The following HNRNPD variants were observed in gnomAD, a reference collection of about 807,000 sequenced individuals.
HNRNPD encodes the protein heterogeneous nuclear ribonucleoprotein D, also known as heterogeneous nuclear ribonucleoprotein D0.
Under a neutral mutation model 47.9 loss-of-function variants are expected in HNRNPD, and 3 were observed. The observed-to-expected ratio is 0.06, with a 90% CI of 0.03 to 0.16. The LOEUF (loss-of-function observed/expected upper bound fraction) is 0.16, where lower values mean the gene tolerates loss of function less well. HNRNPD is among the 10% of genes least tolerant of loss of function. HNRNPD has a pLI of 1.00. For missense variants in HNRNPD, 287 were observed against 454.2 expected, an observed-to-expected ratio of 0.63 and a Z score of 3.35; for synonymous variants, 171 against 165.1, an observed-to-expected ratio of 1.04 and a Z score of -0.28.
At position 82,357,406 on chromosome 4, in the gene HNRNPD, A is replaced by C. The variant is rs776421568; in HGVS notation, c.660T>G (p.Asn220Lys). Reference sequence around the variant, plus strand: ...TAATAAAGCAGAACCCACGCCTCTTATTGGTCTTGTTGTCCATGGGGAGCT... The same window carrying C: ...TAATAAAGCAGAACCCACGCCTCTTCTTGGTCTTGTTGTCCATGGGGAGCT... The part of the protein sequence containing the change: ...SIELPMDNKT[N>K]KRRGFCFITF... The change falls in exon 5 of 9, where the codon AAT becomes AAG. Residue 220 changes from asparagine to lysine, a missense_variant. Asn to Lys is a moderately conservative substitution (Grantham distance 94). Around this residue, in one of 5 missense-constraint regions of HNRNPD, gnomAD observed 39 missense variants for 113.1 expected, o/e 0.34. Coordinates refer to ENST00000313899, the MANE Select transcript of HNRNPD (RefSeq NM_031370.3). 6.2e-6 allele frequency: 10 copies of C among 1,613,332 alleles called. No homozygotes were observed. Among genetic ancestry groups the C allele is most frequent in the Non-Finnish European group, 7.6e-6 (9 of 1,179,798 alleles).
chr4:82,373,546 C>T lies in HNRNPD; in HGVS notation c.133G>A (p.Ala45Thr). 1 of 1,540,912 alleles carries T rather than the reference C, an allele frequency of 6.5e-7. No individual in the cohort carries two copies. The highest frequency in any genetic ancestry group is 8.7e-7 in the Non-Finnish European group (1 of 1,143,404). The change falls in exon 1 of 9, where the codon GCC becomes ACC. Residue 45 changes from alanine to threonine, a missense_variant. Physicochemically the swap from Ala to Thr is moderately conservative, Grantham distance 58. Transcript: ENST00000313899. ...QGAAAAAGSG[A>T]GTGGGTASGG... ...GACGCGGTTCCGCCCCCGGTCCCGGCTCCGCTTCCCGCCGCCGCCGCTGCC... is the reference window on the plus strand; with the variant it reads ...GACGCGGTTCCGCCCCCGGTCCCGGTTCCGCTTCCCGCCGCCGCCGCTGCC...
chr4:82,362,971 C>T (rs1371732886), intron 2 of HNRNPD, among the ~76,000 whole-genome samples: 3 of 151,964 alleles, frequency 2.0e-5, no homozygotes, highest in Non-Finnish European at 1.5e-5. Context: ...GGCACTTAGT[C>T]TCTACAATGT....
At position 82,355,387 on chromosome 4, in the gene HNRNPD, AACC is replaced by A; in HGVS notation, c.1012_1014del (p.Gly338del). On this transcript the variant is annotated inframe_deletion, in exon 8 of 9. Transcript: ENST00000313899. ...CCACCTCGCCTGGATACCTTCCCAT[AACC>A]ACTCTGCTGGTCTAAAATAAAACAA... 1 of 1,613,314 alleles carries A rather than the reference AACC, an allele frequency of 6.2e-7. No homozygotes were observed. Among genetic ancestry groups the A allele is most frequent in the Non-Finnish European group, 8.5e-7 (1 of 1,179,262 alleles).
intron 1 of HNRNPD, 39 bp downstream of exon 1, chr4:82,373,407 C>T: frequency 1.9e-6 from 3 of 1,538,838 alleles, no homozygotes; most frequent in Admixed American, 2.0e-5. Context: ...GGGAGGGGGA[C>T]TAGTTGGGCC....
At chr4:82,369,082 G>A (rs1016416511) in intron 2 of HNRNPD, among the ~76,000 whole-genome samples, 2 of 152,190 alleles carry the variant, frequency 1.3e-5, no homozygotes, top group Admixed American at 6.5e-5. Context: ...CTATCTCAAA[G>A]TTAACACAAC....
intron 4 of HNRNPD, 165 bp downstream of exon 4, chr4:82,358,494 C>T: frequency 3.3e-6 from 2 of 605,298 alleles, no homozygotes; most frequent in Non-Finnish European, 5.7e-6. Context: ...CATTATCCAA[C>T]CTTCAAAGAC....
At chr4:82,360,549 TTTTTAA>T (rs1390667002) in intron 2 of HNRNPD, among the ~76,000 whole-genome samples, 12 of 151,510 alleles carry the variant, frequency 7.9e-5, no homozygotes, top group African/African-American at 2.4e-4. Context: ...GGACTGGAGG[TTTTTAA>T]TTTTAAGGGT....
At chr4:82,361,417 T>G (rs1232336650) in intron 2 of HNRNPD, among the ~76,000 whole-genome samples, 3 of 152,212 alleles carry the variant, frequency 2.0e-5, no homozygotes, top group African/African-American at 7.2e-5. Context: ...AGAAATAACT[T>G]CAATTAAGTT....
At chr4:82,363,078 A>G (rs1015377250) in intron 2 of HNRNPD, among the ~76,000 whole-genome samples, 4 of 149,890 alleles carry the variant, frequency 2.7e-5, no homozygotes, top group African/African-American at 7.4e-5. Context: ...ATTTACAAAT[A>G]CTTATTTTTT....
Position 82,355,239 on chromosome 4 carries a change from T to G in HNRNPD, c.*30+65A>C, listed in dbSNP as rs1249765034. The G allele has an allele frequency of 4.6e-6, 4 of 870,376 alleles. No individual in the cohort carries two copies. The African/African-American group carries it at 6.9e-5, about 15-fold the overall frequency. The allele number at this position is 870,376 out of a possible 1,614,324, so 53.9% of individuals were successfully genotyped here. A position where few individuals can be genotyped will look rare whatever the true frequency, so the allele number is the denominator to read the frequency against. Reference sequence around the variant, plus strand: ...AACTCTTAAATTAAGCATTGTTTTATGAACAATATAGATTATAAAAACTAC... The same window carrying G: ...AACTCTTAAATTAAGCATTGTTTTAGGAACAATATAGATTATAAAAACTAC... On this transcript the variant is annotated intron_variant, in intron 8 of 8. Coordinates refer to ENST00000313899, the MANE Select transcript of HNRNPD (RefSeq NM_031370.3).
intron 2 of HNRNPD, among the ~76,000 whole-genome samples, chr4:82,365,771 A>ATTTTT (rs80051188): frequency 2.4e-3 from 251 of 106,250 alleles, no homozygotes; most frequent in African/African-American, 6.0e-3. Flanking sequence ...GGCCCAGCTA[A>ATTTTT]TTTTTTTTTT....
At chr4:82,367,920 A>G (rs1281682438) in intron 2 of HNRNPD, among the ~76,000 whole-genome samples, 1 of 152,210 alleles carries the variant, frequency 6.6e-6, no homozygotes, top group East Asian at 1.9e-4. Context: ...CAACACATAG[A>G]TCAGCAAACC....
intron 2 of HNRNPD, among the ~76,000 whole-genome samples, chr4:82,367,877 T>C (rs575944109): frequency 6.6e-6 from 1 of 152,328 alleles, no homozygotes; most frequent in South Asian, 2.1e-4. Context: ...AAGCAGGCTA[T>C]GTAGTCAATC....
chr4:82,356,775 TA>T lies in HNRNPD; in HGVS notation c.853+20del. 6.2e-7 allele frequency: 1 copy of T among 1,610,904 alleles called. No individual in the cohort carries two copies. On this transcript the variant is annotated intron_variant, in intron 6 of 8. Transcript: ENST00000313899. The stretch of plus-strand genomic sequence containing the variant: ...AAAAGCAGAAAAGCTTAAGATAGAG[TA>T]AACTTAGGCTCTAGCTTACCACCAC...
intron 8 of HNRNPD, 40 bp downstream of exon 8, chr4:82,355,264 C>T (rs1723667825): frequency 1.9e-6 from 2 of 1,066,802 alleles, no homozygotes; most frequent in Non-Finnish European, 2.9e-6. Flanking sequence ...ATAAAAACTA[C>T]TATTGTAAAT....
rs532587882 is a variant in HNRNPD at position 82,353,143 on chromosome 4, TTC to T, written c.*1040_*1041del. ...TTCCAACAAATGACAGGAAAAACAA[TTC>T]TGACTTAATCCTATAGTTATCACTT... is the stretch of plus-strand genomic sequence containing the variant. On this transcript the variant is annotated 3_prime_UTR_variant, in exon 9 of 9. Coordinates refer to ENST00000313899, the MANE Select transcript of HNRNPD (RefSeq NM_031370.3). The T allele has an allele frequency of 1.3e-3, 193 of 152,296 alleles. No individual in the cohort carries two copies. The highest frequency in any genetic ancestry group is 3.7e-3 in the Admixed American group (57 of 15,298). 9.4% of individuals were successfully genotyped at this position (152,296 alleles called of 1,614,324 possible). A position where few individuals can be genotyped will look rare whatever the true frequency, so the allele number is the denominator to read the frequency against.
intron 7 of HNRNPD, chr4:82,356,317 G>A: frequency 2.3e-6 from 1 of 440,818 alleles, no homozygotes; most frequent in South Asian, 5.6e-5. Flanking sequence ...CAAATGCCCA[G>A]CAAACATATA....
chr4:82,353,062 C>G lies in HNRNPD; in HGVS notation c.*1123G>C. The G allele has an allele frequency of 6.6e-6, 1 of 152,182 alleles. No homozygotes were observed. The highest frequency in any genetic ancestry group is 1.9e-4 in the East Asian group (1 of 5,198). 9.4% of individuals were successfully genotyped at this position (152,182 alleles called of 1,614,324 possible). A position where few individuals can be genotyped will look rare whatever the true frequency, so the allele number is the denominator to read the frequency against. Reference sequence around the variant, plus strand: ...TTAAGTAATACCTACAAACGATTTTCCATTCAAGTTGATGGGTATCAATTC... The same window carrying G: ...TTAAGTAATACCTACAAACGATTTTGCATTCAAGTTGATGGGTATCAATTC... On this transcript the variant is annotated 3_prime_UTR_variant, in exon 9 of 9. Transcript: ENST00000313899.
intron 2 of HNRNPD, among the ~76,000 whole-genome samples, chr4:82,368,156 T>A (rs1719856724): frequency 6.6e-6 from 1 of 152,148 alleles, no homozygotes; most frequent in Non-Finnish European, 1.5e-5. Flanking sequence ...AAAAAATTAC[T>A]CTATTCCTTT....
Sources: allele counts gnomAD v4.1 joint callset (sites outside exome capture counted in the v4.1 genomes callset), GRCh38; gene constraint gnomAD v4.1.1; regional missense constraint gnomAD v4.1.1; transcripts MANE v1.5; gene names NCBI Gene and HGNC (gene_info 2026-07-23, HGNC 2026-07-21).